IFT81: variants seen among roughly 807,000 people sequenced by gnomAD.
IFT81 encodes intraflagellar transport 81, also known as intraflagellar transport protein 81 homolog.
In IFT81, 72 loss-of-function variants were observed where a neutral mutation model predicts 102.6. The observed-to-expected ratio is 0.70, with a 90% confidence interval of 0.58 to 0.85. The LOEUF (loss-of-function observed/expected upper bound fraction) is 0.85, where lower values mean the gene tolerates loss of function less well. IFT81 is among the 40% of genes least tolerant of loss of function. The probability of loss-of-function intolerance (pLI) is 0.00; values close to 1 mark genes in which losing one functional copy is unlikely to be tolerated. For missense variants in IFT81, 723 were observed against 787.3 expected, an observed-to-expected ratio of 0.92 and a Z score of 0.98; for synonymous variants, 237 against 242.7, an observed-to-expected ratio of 0.98 and a Z score of 0.22.
At chr12:110,183,794 G>T (rs1897405286) in intron 12 of IFT81, among the ~76,000 whole-genome samples, 1 of 152,176 alleles carries the variant, frequency 6.6e-6, no homozygotes, top group Non-Finnish European at 1.5e-5. Context: ...GAGGATACAG[G>T]ATAATCTGGG....
chr12:110,206,859 T>G (rs1171194957), intron 17 of IFT81, among the ~76,000 whole-genome samples: 1 of 152,172 alleles, frequency 6.6e-6, no homozygotes, highest in Non-Finnish European at 1.5e-5. Flanking sequence ...ATGTAAACTT[T>G]GTTCATATAA....
At chr12:110,164,580 C>T (rs912125844) in intron 11 of IFT81, among the ~76,000 whole-genome samples, 2 of 152,042 alleles carry the variant, frequency 1.3e-5, no homozygotes, top group Non-Finnish European at 2.9e-5. Context: ...GGCAGTGAAC[C>T]TTCACTGTGC....
intron 11 of IFT81, among the ~76,000 whole-genome samples, chr12:110,179,060 A>G (rs1897172817): frequency 1.3e-5 from 2 of 152,162 alleles, no homozygotes; most frequent in African/African-American, 4.8e-5. Context: ...GTAAATAGAT[A>G]AATTAGATAG....
At chr12:110,143,588 TC>T (rs764579685) in intron 9 of IFT81, 43 bp downstream of exon 9, 1 of 1,440,844 alleles carries the variant, frequency 6.9e-7, no homozygotes, top group South Asian at 1.4e-5. Flanking sequence ...TTTTATCTGA[TC>T]CCCAGTCCTA....
At chr12:110,133,218 C>T (rs1193896515) in intron 5 of IFT81, among the ~76,000 whole-genome samples, 3 of 152,034 alleles carry the variant, frequency 2.0e-5, no homozygotes, top group African/African-American at 7.2e-5. Flanking sequence ...GCTATCCTCC[C>T]ACCTTGGCCT....
chr12:110,216,499 G>A (rs1217859513), intron 18 of IFT81: 3 of 452,524 alleles, frequency 6.6e-6, no homozygotes, highest in Non-Finnish European at 1.3e-5. Flanking sequence ...CCAGCCCCCA[G>A]CCTCCTATTA....
chr12:110,160,800 G>A (rs562016358), intron 10 of IFT81, among the ~76,000 whole-genome samples: 1 of 152,170 alleles, frequency 6.6e-6, no homozygotes, highest in Non-Finnish European at 1.5e-5. Context: ...CTATTGATTT[G>A]GTTTCTGTAG....
intron 17 of IFT81, among the ~76,000 whole-genome samples, chr12:110,206,291 G>A (rs536738833): frequency 6.6e-6 from 1 of 152,094 alleles, no homozygotes; most frequent in African/African-American, 2.4e-5. Context: ...CCCAGCTTGT[G>A]GCGTACTGTA....
chr12:110,177,266 T>G (rs1897075234), intron 11 of IFT81, among the ~76,000 whole-genome samples: 2 of 152,042 alleles, frequency 1.3e-5, no homozygotes, highest in Non-Finnish European at 2.9e-5. Flanking sequence ...CAAAGTTTGT[T>G]TTTTTGTTTT....
At chr12:110,139,980 C>T (rs1289628227) in intron 8 of IFT81, among the ~76,000 whole-genome samples, 1 of 151,550 alleles carries the variant, frequency 6.6e-6, no homozygotes, top group East Asian at 1.9e-4. Flanking sequence ...GCAGGAAGAT[C>T]ACTTGAGCCC....
intron 10 of IFT81, among the ~76,000 whole-genome samples, chr12:110,160,189 A>G (rs1007485554): frequency 6.6e-6 from 1 of 152,242 alleles, no homozygotes; most frequent in Non-Finnish European, 1.5e-5. Context: ...ATAGGTATAT[A>G]TAAAAGGGAA....
intron 12 of IFT81, among the ~76,000 whole-genome samples, chr12:110,181,390 G>T (rs1278365412): frequency 6.6e-6 from 1 of 151,978 alleles, no homozygotes; most frequent in Non-Finnish European, 1.5e-5. Flanking sequence ...TGACCTTTTG[G>T]TCATGGCTTA....
chr12:110,192,913 G>A (rs1897858749), intron 14 of IFT81, among the ~76,000 whole-genome samples: 1 of 152,120 alleles, frequency 6.6e-6, no homozygotes, highest in Non-Finnish European at 1.5e-5. Context: ...TGTAATCCCA[G>A]CACTTTGGGA....
intron 6 of IFT81, 54 bp downstream of exon 6, chr12:110,135,067 A>G (rs371131919): frequency 9.4e-5 from 120 of 1,274,254 alleles, no homozygotes; most frequent in Non-Finnish European, 1.2e-4. Flanking sequence ...AGGACTTGCA[A>G]AGATTTAGGA....
intron 12 of IFT81, among the ~76,000 whole-genome samples, chr12:110,183,939 G>A (rs1410225821): frequency 6.6e-6 from 1 of 152,116 alleles, no homozygotes; most frequent in Non-Finnish European, 1.5e-5. Context: ...CTGGAGTTTT[G>A]CCAGTCTTAA....
intron 12 of IFT81, among the ~76,000 whole-genome samples, chr12:110,184,860 C>T (rs1321045406): frequency 4.6e-5 from 7 of 152,138 alleles, no homozygotes; most frequent in African/African-American, 1.4e-4. Context: ...GGAAGCATAG[C>T]GTTGGTGCAA....
chr12:110,206,934 A>G (rs1868711652), intron 17 of IFT81, among the ~76,000 whole-genome samples: 1 of 152,190 alleles, frequency 6.6e-6, no homozygotes, highest in Non-Finnish European at 1.5e-5. Flanking sequence ...AAAAATTTTT[A>G]TAAATTAAGT....
chr12:110,190,875 C>A, intron 12 of IFT81, 45 bp from the exon 13 acceptor site: 2 of 1,439,558 alleles, frequency 1.4e-6, no homozygotes, highest in Non-Finnish European at 1.8e-6. Context: ...TGGGAGCCAG[C>A]AAGATTTTGA....
At chr12:110,197,510 T>C (rs1458919277) in intron 14 of IFT81, among the ~76,000 whole-genome samples, 1 of 147,402 alleles carries the variant, frequency 6.8e-6, no homozygotes, top group Non-Finnish European at 1.5e-5. Context: ...CTTTTTTCTG[T>C]TTTTTTATCT....
Sources: gnomAD v4.1 joint callset for allele counts (sites outside exome capture counted in the v4.1 genomes callset) on GRCh38, gnomAD v4.1.1 for gene constraint, MANE v1.5 for transcripts, NCBI Gene and HGNC (gene_info 2026-07-23, HGNC 2026-07-21) for gene names.